Variants in NEMF observed in about 807,000 individuals in gnomAD.
NEMF encodes the protein nuclear export mediator factor.
NEMF carries 89 observed loss-of-function variants against 162.2 expected under a neutral mutation model. That is an observed-to-expected ratio of 0.55 (90% CI 0.46 to 0.65). The LOEUF (loss-of-function observed/expected upper bound fraction) is 0.65, where lower values mean the gene tolerates loss of function less well. NEMF is among the 30% of genes least tolerant of loss of function. The pLI, the probability that NEMF is intolerant of heterozygous loss-of-function variation, is 0.00. For synonymous variants in NEMF, 421 were observed against 404.5 expected (o/e 1.04, Z -0.49); for missense variants, 1,133 against 1,261.9 (o/e 0.90, Z 1.55).
At chr14:49,788,705 C>G (rs868347941) in intron 28 of NEMF, among the ~76,000 whole-genome samples, 1 of 152,062 alleles carries the variant, frequency 6.6e-6, no homozygotes, top group Non-Finnish European at 1.5e-5. Context: ...CAGGCGCTCA[C>G]CACCACACCC....
chr14:49,831,383 T>C (rs145484305), intron 10 of NEMF, 22 bp from the exon 11 acceptor site: 5 of 1,490,548 alleles, frequency 3.4e-6, no homozygotes, highest in Middle Eastern at 1.7e-4. Flanking sequence ...AACAAACAAC[T>C]AGTTGGAAAA....
At chr14:49,806,817 A>C (rs1318239021) in intron 18 of NEMF, among the ~76,000 whole-genome samples, 1 of 152,208 alleles carries the variant, frequency 6.6e-6, no homozygotes, top group Non-Finnish European at 1.5e-5. Flanking sequence ...AATCATGAAC[A>C]TGAAGAGCAT....
At chr14:49,820,957 C>CA (rs1891981794) in intron 16 of NEMF, among the ~76,000 whole-genome samples, 1 of 149,152 alleles carries the variant, frequency 6.7e-6, no homozygotes, top group Non-Finnish European at 1.5e-5. Flanking sequence ...TCTTCCCGGC[C>CA]GCCATCCCAT....
At chr14:49,814,165 T>C in intron 17 of NEMF, 115 bp from the exon 18 acceptor site, 1 of 631,018 alleles carries the variant, frequency 1.6e-6, no homozygotes, top group African/African-American at 1.9e-5. Flanking sequence ...AGTGGCACGA[T>C]TTCAGCTCAC....
At chr14:49,851,411 T>C (rs561853704) in intron 3 of NEMF, 152 bp downstream of exon 3, 46 of 601,338 alleles carry the variant, frequency 7.6e-5, no homozygotes, top group Non-Finnish European at 1.2e-4. Flanking sequence ...AATTAATAAA[T>C]ATTCACTTTA....
At chr14:49,806,764 C>T (rs1408524528) in intron 18 of NEMF, among the ~76,000 whole-genome samples, 5 of 152,026 alleles carry the variant, frequency 3.3e-5, no homozygotes, top group African/African-American at 1.2e-4. Flanking sequence ...TAGAGAAATC[C>T]ATTTAAAGTT....
intron 3 of NEMF, among the ~76,000 whole-genome samples, chr14:49,846,963 G>A (rs1893533935): frequency 6.6e-6 from 1 of 152,184 alleles, no homozygotes; most frequent in African/African-American, 2.4e-5. Context: ...TCAGCTCACT[G>A]CAACCTCCGC....
intron 16 of NEMF, among the ~76,000 whole-genome samples, chr14:49,824,848 G>A (rs1892260651): frequency 6.6e-6 from 1 of 152,132 alleles, no homozygotes; most frequent in South Asian, 2.1e-4. Flanking sequence ...AAAGAAGTAT[G>A]AGATCCAGAA....
intron 16 of NEMF, among the ~76,000 whole-genome samples, chr14:49,818,864 GA>G (rs974973024): frequency 5.3e-5 from 8 of 152,114 alleles, no homozygotes; most frequent in African/African-American, 1.7e-4. Flanking sequence ...AGCTCAAGGG[GA>G]AAAGGGCTAA....
intron 16 of NEMF, among the ~76,000 whole-genome samples, chr14:49,821,673 CGGGA>C (rs1892061530): frequency 7.5e-6 from 1 of 133,162 alleles, no homozygotes; most frequent in Non-Finnish European, 1.6e-5. Flanking sequence ...CCGCCCCGTC[CGGGA>C]GGGAGGTGGG....
chr14:49,812,464 T>C (rs977561953), intron 18 of NEMF, among the ~76,000 whole-genome samples: 4 of 152,184 alleles, frequency 2.6e-5, no homozygotes, highest in Non-Finnish European at 2.9e-5. Context: ...TTGGGTTGTT[T>C]TTCTAGTTCT....
intron 28 of NEMF, among the ~76,000 whole-genome samples, chr14:49,788,700 G>A (rs970553233): frequency 2.0e-5 from 3 of 151,700 alleles, no homozygotes; most frequent in Non-Finnish European, 2.9e-5. Flanking sequence ...GACTACAGGC[G>A]CTCACCACCA....
intron 18 of NEMF, among the ~76,000 whole-genome samples, chr14:49,808,754 G>T (rs888157060): frequency 1.3e-5 from 2 of 150,682 alleles, no homozygotes; most frequent in African/African-American, 4.9e-5. Context: ...GCCACTGACT[G>T]GCAGAAAATA....
intron 4 of NEMF, chr14:49,844,760 C>CACAT (rs1187516499): frequency 9.5e-6 from 3 of 315,854 alleles, no homozygotes; most frequent in African/African-American, 6.9e-5. Context: ...CACACACACA[C>CACAT]ACACATATAT....
rs142866731 is a variant in NEMF at position 49,833,454 on chromosome 14, T to C, written c.704A>G (p.Tyr235Cys). The C allele has an allele frequency of 4.9e-4, 780 of 1,588,318 alleles. 1 individual carries two copies. The highest frequency in any genetic ancestry group is 6.1e-4 in the Non-Finnish European group (713 of 1,162,358). Residue 235 changes from tyrosine to cysteine, a missense_variant, in exon 8 of 33, where the codon TAT becomes TGT. Around this residue, in one of 3 missense-constraint regions of NEMF, gnomAD observed 582 missense variants for 631.5 expected, o/e 0.92. Coordinates refer to ENST00000298310, the MANE Select transcript of NEMF (RefSeq NM_004713.6). ...VLVSLQKAEDYMKTTSNFSGK... is the reference protein window; with the variant it reads ...VLVSLQKAEDCMKTTSNFSGK... ...ACTGAAGTTGGATGTTGTTTTCATATAGTCTTCTGCTTTCTGCAGAGAAAC... is the reference window on the plus strand; with the variant it reads ...ACTGAAGTTGGATGTTGTTTTCATACAGTCTTCTGCTTTCTGCAGAGAAAC...
At position 49,831,328 on chromosome 14, in the gene NEMF, G is replaced by T; in HGVS notation, c.916C>A (p.Gln306Lys). The T allele has an allele frequency of 6.2e-7, 1 of 1,601,912 alleles. No individual in the cohort carries two copies. Among genetic ancestry groups the T allele is most frequent in the Non-Finnish European group, 8.5e-7 (1 of 1,169,922 alleles). Reference protein sequence around the residue: ...VDEFYSKIEGQKIDLKALQQE... With the variant: ...VDEFYSKIEGKKIDLKALQQE... ...TGTAAAGCTTTTAAGTCAATTTTCT[G>T]GCCTTCTATCTTGGAATAAAATTCA... is the stretch of plus-strand genomic sequence containing the variant. Residue 306 changes from glutamine (Q) to lysine (K), a missense_variant, in exon 11 of 33, where the codon CAG (glutamine) becomes AAG (lysine). By Grantham distance (53) the Gln-to-Lys change is moderately conservative. Coordinates refer to ENST00000298310, the MANE Select transcript of NEMF (RefSeq NM_004713.6).
intron 6 of NEMF, among the ~76,000 whole-genome samples, chr14:49,835,944 A>G (rs1316297273): frequency 1.3e-5 from 2 of 152,242 alleles, no homozygotes; most frequent in Non-Finnish European, 2.9e-5. Context: ...AGAGAAATTA[A>G]AGATCTAAAT....
chr14:49,828,782 C>CAT lies in NEMF; in HGVS notation c.1257_1258insAT (p.Glu420MetfsTer43). 1 of 1,550,976 alleles carries CAT rather than the reference C, an allele frequency of 6.4e-7. No individual in the cohort carries two copies. The highest frequency in any genetic ancestry group is 8.8e-7 in the Non-Finnish European group (1 of 1,141,708). On this transcript the variant is annotated frameshift_variant, in exon 14 of 33. Coordinates refer to ENST00000298310, the MANE Select transcript of NEMF (RefSeq NM_004713.6). LOFTEE classifies it high-confidence loss of function. The stretch of plus-strand genomic sequence containing the variant: ...ACGTCACCATCAACATCATCATCTT[C>CAT]CTCCTCTGATAACAAGTATGGATTT...
Position 49,829,169 on chromosome 14 carries a change from T to A in NEMF, c.1117A>T (p.Ile373Leu), listed in dbSNP as rs1218485111. Residue 373 changes from isoleucine (I) to leucine (L), a missense_variant, in exon 13 of 33, where the codon ATA becomes TTA. Around this residue, in one of 3 missense-constraint regions of NEMF, gnomAD observed 582 missense variants for 631.5 expected, o/e 0.92. Transcript: ENST00000298310. ...ATTAACCCAATTTCTGTCCAATCTA[T>A]CTGGTTAGCTAAAGCACTTCGAACT... is the stretch of plus-strand genomic sequence containing the variant. The part of the protein sequence containing the change: ...QVVRSALANQ[I>L]DWTEIGLIVK... 6.2e-7 allele frequency: 1 copy of A among 1,614,190 alleles called. No individual in the cohort carries two copies. Among genetic ancestry groups the A allele is most frequent in the South Asian group, 1.1e-5 (1 of 91,086 alleles).
Sources: gnomAD v4.1 joint callset for allele counts (sites outside exome capture counted in the v4.1 genomes callset) on GRCh38, gnomAD v4.1.1 for gene constraint, gnomAD v4.1.1 regional missense constraint, MANE v1.5 for transcripts, NCBI Gene and HGNC (gene_info 2026-07-23, HGNC 2026-07-21) for gene names.